Variants in MBNL2 observed in about 807,000 individuals in gnomAD.
MBNL2 encodes muscleblind-like protein 2.
MBNL2 carries 17 observed loss-of-function variants against 41.9 expected under a neutral mutation model. The observed-to-expected ratio is 0.41, with a 90% confidence interval of 0.28 to 0.61. The LOEUF (loss-of-function observed/expected upper bound fraction) is 0.61, where lower values mean the gene tolerates loss of function less well. Ranked by LOEUF, MBNL2 falls within the 20% of genes least tolerant of loss-of-function variation. The probability of loss-of-function intolerance (pLI) is 0.35; values close to 1 mark genes in which losing one functional copy is unlikely to be tolerated. For missense variants in MBNL2, 336 were observed against 505.6 expected (o/e 0.66, Z 3.22); for synonymous variants, 195 against 182.9 (o/e 1.07, Z -0.53).
At chr13:97,349,663 G>A (rs1333216138) in intron 5 of MBNL2, among the ~76,000 whole-genome samples, 1 of 152,180 alleles carries the variant, frequency 6.6e-6, no homozygotes, top group Non-Finnish European at 1.5e-5. Context: ...GAGGAGCTGG[G>A]ACCACAGGTG....
At chr13:97,244,672 G>A (rs1306375087) in intron 1 of MBNL2, among the ~76,000 whole-genome samples, 1 of 152,058 alleles carries the variant, frequency 6.6e-6, no homozygotes, top group Non-Finnish European at 1.5e-5. Flanking sequence ...TTTTGCTGCT[G>A]GTGCACATTG....
At chr13:97,208,614 G>T in the MBNL2 span, among the ~76,000 whole-genome samples, 103 of 152,300 alleles carry the variant, frequency 6.8e-4, no homozygotes, top group Non-Finnish European at 1.2e-3. Flanking sequence ...ATGCATGTGG[G>T]TCAGGGACTT....
At chr13:97,213,700 A>T in the MBNL2 span, among the ~76,000 whole-genome samples, 1 of 152,204 alleles carries the variant, frequency 6.6e-6, no homozygotes, top group Admixed American at 6.5e-5. Context: ...ACCAACATGT[A>T]GCAAGTCACG....
At chr13:97,287,721 CTTTTTTT>C (rs768809008) in intron 2 of MBNL2, among the ~76,000 whole-genome samples, 8 of 114,932 alleles carry the variant, frequency 7.0e-5, no homozygotes, top group Non-Finnish European at 1.2e-4. Flanking sequence ...CTTTTCTTTT[CTTTTTTT>C]TTTTTTTTTT....
chr13:97,296,831 G>A (rs1481159541), intron 2 of MBNL2, among the ~76,000 whole-genome samples: 1 of 152,204 alleles, frequency 6.6e-6, no homozygotes, highest in African/African-American at 2.4e-5. Flanking sequence ...GCTGAAGAAA[G>A]TTCTATAGAC....
At chr13:97,382,424 T>C (rs781441307) in intron 8 of MBNL2, among the ~76,000 whole-genome samples, 4 of 152,098 alleles carry the variant, frequency 2.6e-5, no homozygotes, top group East Asian at 1.9e-4. Context: ...CAACAGAAAA[T>C]AGAAAATTCC....
At chr13:97,215,338 G>A in the MBNL2 span, among the ~76,000 whole-genome samples, 1 of 152,194 alleles carries the variant, frequency 6.6e-6, no homozygotes, top group Non-Finnish European at 1.5e-5. Context: ...GGTTCCATGG[G>A]CTGCTGTACA....
chr13:97,334,172 A>G lies in MBNL2; in HGVS notation c.175-104A>G, dbSNP rs976321495. 3 of 867,760 alleles carry G rather than the reference A, an allele frequency of 3.5e-6. No individual in the cohort carries two copies. Among genetic ancestry groups the G allele is most frequent in the African/African-American group, 3.5e-5 (2 of 57,956 alleles). The allele number at this position is 867,760 out of a possible 1,614,324, so 53.8% of individuals were successfully genotyped here. On this transcript the variant is annotated intron_variant, in intron 2 of 8. Coordinates refer to ENST00000679496, the MANE Select transcript of MBNL2 (RefSeq NM_001382683.1). This position sits in a 1 kb window ranked among gnomAD's most constrained non-coding sequence, Gnocchi z 5.3. Reference sequence around the variant, plus strand: ...CCCACACACACACACACACACACACACACAGGATCCTTGCTTTTGTGCATA... The same window carrying G: ...CCCACACACACACACACACACACACGCACAGGATCCTTGCTTTTGTGCATA...
intron 2 of MBNL2, among the ~76,000 whole-genome samples, chr13:97,284,063 A>C (rs1264990788): frequency 6.6e-6 from 1 of 152,158 alleles, no homozygotes; most frequent in Non-Finnish European, 1.5e-5. Flanking sequence ...TACAATTTAG[A>C]GTTAGACAGG....
chr13:97,287,721 C>CTTTTTTTTTTTTTTTT (rs768809008), intron 2 of MBNL2, among the ~76,000 whole-genome samples: 8 of 114,932 alleles, frequency 7.0e-5, no homozygotes, highest in African/African-American at 2.3e-4. Flanking sequence ...CTTTTCTTTT[C>CTTTTTTTTTTTTTTTT]TTTTTTTTTT....
At chr13:97,380,789 A>G (rs2065377945) in intron 8 of MBNL2, among the ~76,000 whole-genome samples, 1 of 152,038 alleles carries the variant, frequency 6.6e-6, no homozygotes, top group Admixed American at 6.5e-5. Context: ...CTCCTCCTCT[A>G]AACATTTTCC....
chr13:97,351,491 A>G (rs900031710), intron 5 of MBNL2, among the ~76,000 whole-genome samples: 2 of 152,192 alleles, frequency 1.3e-5, no homozygotes, highest in African/African-American at 2.4e-5. Context: ...TGGCTTGTCT[A>G]CGTTGACATC....
chr13:97,273,252 C>T (rs1181120251), intron 1 of MBNL2, among the ~76,000 whole-genome samples: 1 of 152,138 alleles, frequency 6.6e-6, no homozygotes, highest in Non-Finnish European at 1.5e-5. Context: ...TTGAAATATC[C>T]TTGTCATTGG....
the MBNL2 span, among the ~76,000 whole-genome samples, chr13:97,152,274 A>G: frequency 1.3e-5 from 2 of 152,188 alleles, no homozygotes; most frequent in Non-Finnish European, 2.9e-5. Flanking sequence ...AAGGCAATAA[A>G]TGAATGAGGG....
chr13:97,193,549 C>A, the MBNL2 span, among the ~76,000 whole-genome samples: 35 of 152,148 alleles, frequency 2.3e-4, no homozygotes, highest in Non-Finnish European at 3.7e-4. Flanking sequence ...ATATTTGAAC[C>A]TCAATTATTT....
intron 5 of MBNL2, among the ~76,000 whole-genome samples, chr13:97,350,698 G>A (rs1566434779): frequency 6.6e-6 from 1 of 152,196 alleles, no homozygotes. Flanking sequence ...AACCATTAAA[G>A]TTTTATCATG....
rs978832056 is a variant in MBNL2 at position 97,330,183 on chromosome 13, G to A, written c.175-4093G>A. 2.0e-4 allele frequency among the ~76,000 whole-genome samples: 31 copies of A among 152,208 alleles called. 1 individual carries two copies. Among genetic ancestry groups the A allele is most frequent in the African/African-American group, 7.0e-4 (29 of 41,452 alleles). On this transcript the variant is annotated intron_variant, in intron 2 of 8. Transcript: ENST00000679496. ...GAATGAAAGAATGAATGAGATCGTA[G>A]CCTGGAAGTATATGACCACCTGCTG...
intron 2 of MBNL2, among the ~76,000 whole-genome samples, chr13:97,332,405 T>A (rs1187321890): frequency 6.6e-6 from 1 of 152,182 alleles, no homozygotes; most frequent in Non-Finnish European, 1.5e-5. Flanking sequence ...CACATGAACT[T>A]TGTAGGAGCT....
In MBNL2 at chr13:97,347,053, G is replaced by GCGGCCA. The variant is rs1212583645; in HGVS notation, c.792_797dup (p.Ala265_Thr266dup). On this transcript the variant is annotated inframe_insertion, in exon 5 of 9. Transcript: ENST00000679496. ...GGTGGCCGCCCAGGCAGCCGCGGCC[G>GCGGCCA]CGGCCACAGTCATGGTAAGTGCGGC... 2 of 1,602,070 alleles carry GCGGCCA rather than the reference G, an allele frequency of 1.2e-6. No individual in the cohort carries two copies. The highest frequency in any genetic ancestry group is 1.1e-5 in the South Asian group (1 of 90,274).
Sources: gnomAD v4.1 joint callset for allele counts (sites outside exome capture counted in the v4.1 genomes callset) on GRCh38, gnomAD v4.1.1 for gene constraint, Gnocchi (gnomAD v3.1) non-coding constraint, MANE v1.5 for transcripts, NCBI Gene and HGNC (gene_info 2026-07-23, HGNC 2026-07-21) for gene names.